The following MDGA2 variants were observed in gnomAD, a reference collection of about 807,000 sequenced individuals.
The protein encoded by MDGA2 is MAM domain-containing glycosylphosphatidylinositol anchor protein 2.
In MDGA2, 40 loss-of-function variants were observed where a neutral mutation model predicts 117.8. That is an observed-to-expected ratio of 0.34 (90% CI 0.26 to 0.44). MDGA2 has a LOEUF of 0.44. Among genes scored for constraint, MDGA2 ranks in the 20% least tolerant of loss-of-function variants. The pLI is 1.00. For synonymous variants in MDGA2, 452 were observed against 439.0 expected (o/e 1.03, Z -0.37); for missense variants, 1,123 against 1,250.6 (o/e 0.90, Z 1.54).
intron 10 of MDGA2, among the ~76,000 whole-genome samples, chr14:46,892,167 G>A (rs1777628680): frequency 1.3e-5 from 2 of 151,754 alleles, no homozygotes; most frequent in South Asian, 2.1e-4. Flanking sequence ...CATAAAAACA[G>A]ACATATAGAC....
chr14:47,186,290 T>C (rs1884907900), intron 3 of MDGA2, among the ~76,000 whole-genome samples: 1 of 151,758 alleles, frequency 6.6e-6, no homozygotes, highest in African/African-American at 2.4e-5. Flanking sequence ...AAAGATTATT[T>C]TATGGAATTT....
intron 9 of MDGA2, among the ~76,000 whole-genome samples, chr14:46,925,502 G>T (rs961584176): frequency 6.6e-6 from 1 of 151,472 alleles, no homozygotes; most frequent in African/African-American, 2.4e-5. Flanking sequence ...AGTGGTGGCA[G>T]GCACCAGTAA....
intron 14 of MDGA2, among the ~76,000 whole-genome samples, chr14:46,862,582 T>C (rs1881555286): frequency 6.6e-6 from 1 of 151,756 alleles, no homozygotes; most frequent in Non-Finnish European, 1.5e-5. Context: ...GCATACATAT[T>C]CCCCATAGAG....
chr14:47,097,983 A>T (rs1880074335), intron 5 of MDGA2, among the ~76,000 whole-genome samples: 1 of 151,704 alleles, frequency 6.6e-6, no homozygotes, highest in African/African-American at 2.4e-5. Context: ...CATATAGCAC[A>T]TTTTTTTTCT....
At chr14:47,110,687 C>T (rs1382635738) in intron 5 of MDGA2, among the ~76,000 whole-genome samples, 1 of 152,020 alleles carries the variant, frequency 6.6e-6, no homozygotes, top group Non-Finnish European at 1.5e-5. Context: ...CTCTGCTGGG[C>T]CTCTGTTTGC....
intron 1 of MDGA2, among the ~76,000 whole-genome samples, chr14:47,608,328 T>C (rs1016599442): frequency 1.3e-5 from 2 of 152,132 alleles, no homozygotes; most frequent in Non-Finnish European, 2.9e-5. Context: ...AACATGATCC[T>C]CAGACAGACA....
At chr14:47,429,646 C>T (rs184067386) in intron 1 of MDGA2, among the ~76,000 whole-genome samples, 187 of 152,194 alleles carry the variant, frequency 1.2e-3, no homozygotes, top group South Asian at 3.3e-3. Context: ...CATGCAAATG[C>T]TTAGTGCCTG....
At chr14:47,489,852 A>T (rs1894133484) in intron 1 of MDGA2, among the ~76,000 whole-genome samples, 1 of 152,048 alleles carries the variant, frequency 6.6e-6, no homozygotes, top group Non-Finnish European at 1.5e-5. Flanking sequence ...TTTTCCTTAC[A>T]TAGCTCAAAC....
At chr14:47,107,485 G>C (rs1270090695) in intron 5 of MDGA2, among the ~76,000 whole-genome samples, 1 of 151,434 alleles carries the variant, frequency 6.6e-6, no homozygotes, top group East Asian at 1.9e-4. Flanking sequence ...GGCTCTCTTC[G>C]CTTTCCCTTG....
chr14:47,112,832 T>C (rs78918188), intron 5 of MDGA2, among the ~76,000 whole-genome samples: 1 of 152,204 alleles, frequency 6.6e-6, no homozygotes, highest in East Asian at 1.9e-4. Context: ...CTTTCCACAA[T>C]GGTTGAACTA....
At chr14:47,160,763 AT>A (rs1387519454) in intron 3 of MDGA2, among the ~76,000 whole-genome samples, 1 of 152,242 alleles carries the variant, frequency 6.6e-6, no homozygotes, top group African/African-American at 2.4e-5. Flanking sequence ...ATAAATTTTA[AT>A]TTTAGGTAAG....
At chr14:46,949,813 T>C (rs950231603) in intron 9 of MDGA2, among the ~76,000 whole-genome samples, 6 of 151,936 alleles carry the variant, frequency 3.9e-5, no homozygotes, top group African/African-American at 1.2e-4. Context: ...GCAATAAACA[T>C]AGGAGTTGAG....
At chr14:47,387,616 C>A (rs887130689) in intron 1 of MDGA2, among the ~76,000 whole-genome samples, 9 of 152,160 alleles carry the variant, frequency 5.9e-5, no homozygotes, top group African/African-American at 2.2e-4. Context: ...AGTAAATCAA[C>A]CAAGATACTC....
intron 3 of MDGA2, among the ~76,000 whole-genome samples, chr14:47,217,795 T>C (rs989556964): frequency 2.0e-5 from 3 of 152,148 alleles, no homozygotes; most frequent in Non-Finnish European, 2.9e-5. Flanking sequence ...CTTGTTAATA[T>C]TGTTCCTAAG....
At chr14:47,518,291 T>C (rs914262369) in intron 1 of MDGA2, among the ~76,000 whole-genome samples, 1 of 152,164 alleles carries the variant, frequency 6.6e-6, no homozygotes, top group South Asian at 2.1e-4. Flanking sequence ...GGAGAACAAA[T>C]GTGCTAAATT....
chr14:47,326,806 G>C (rs1469365541), intron 1 of MDGA2, among the ~76,000 whole-genome samples: 1 of 151,940 alleles, frequency 6.6e-6, no homozygotes, highest in African/African-American at 2.4e-5. Flanking sequence ...GACATTAATT[G>C]CTATTGATCC....
chr14:47,105,711 T>C (rs1880621773), intron 5 of MDGA2, among the ~76,000 whole-genome samples: 1 of 148,732 alleles, frequency 6.7e-6, no homozygotes, highest in African/African-American at 2.5e-5. Context: ...CCCTTCCTAA[T>C]CTCTGTGACC....
chr14:47,555,908 A>G (rs182043152), intron 1 of MDGA2, among the ~76,000 whole-genome samples: 44 of 152,284 alleles, frequency 2.9e-4, no homozygotes, highest in African/African-American at 1.0e-3. Flanking sequence ...CCTAGCCATC[A>G]GTGAGAGCAA....
intron 1 of MDGA2, among the ~76,000 whole-genome samples, chr14:47,361,198 T>C (rs190368625): frequency 0.044 from 5,850 of 133,834 alleles, 152 homozygotes; most frequent in African/African-American, 0.079. Flanking sequence ...TCTCTCTCTC[T>C]CTCTCTCTCT....
Sources: allele counts gnomAD v4.1 joint callset (sites outside exome capture counted in the v4.1 genomes callset), GRCh38; gene constraint gnomAD v4.1.1; transcripts MANE v1.5; gene names NCBI Gene and HGNC (gene_info 2026-07-23, HGNC 2026-07-21).